The following MACROD2 variants were observed in gnomAD, a reference collection of about 807,000 sequenced individuals.
The protein encoded by MACROD2 is mono-ADP ribosylhydrolase 2.
Under a neutral mutation model 70.4 loss-of-function variants are expected in MACROD2, and 36 were observed. The ratio of observed to expected loss-of-function variants is 0.51; its 90% CI spans 0.39 to 0.68. The LOEUF (loss-of-function observed/expected upper bound fraction) is 0.68, where lower values mean the gene tolerates loss of function less well. Ranked by LOEUF, MACROD2 falls within the 30% of genes least tolerant of loss-of-function variation. The probability of loss-of-function intolerance (pLI) is 0.00; values close to 1 mark genes in which losing one functional copy is unlikely to be tolerated. For missense variants in MACROD2, 496 were observed against 538.4 expected (o/e 0.92, Z 0.78); for synonymous variants, 172 against 178.8 (o/e 0.96, Z 0.30).
At chr20:14,976,639 C>T (rs1301238079) in intron 5 of MACROD2, among the ~76,000 whole-genome samples, 2 of 152,104 alleles carry the variant, frequency 1.3e-5, no homozygotes, top group African/African-American at 2.4e-5. Context: ...TTTAGCCTAC[C>T]TCGGTTGGTT....
chr20:14,212,260 A>G (rs1164331703), intron 3 of MACROD2, among the ~76,000 whole-genome samples: 1 of 152,208 alleles, frequency 6.6e-6, no homozygotes, highest in Admixed American at 6.5e-5. Flanking sequence ...TCTCAGTTCT[A>G]AAAATATGAA....
Position 15,534,985 on chromosome 20 carries a change from TG to T in MACROD2, c.645+35139del, listed in dbSNP as rs544380011. Among the ~76,000 whole-genome samples, 11 of 152,264 alleles carry T rather than the reference TG, an allele frequency of 7.2e-5. No homozygotes were observed. In the East Asian group the frequency reaches 2.1e-3, roughly 29 times the overall value. On this transcript the variant is annotated intron_variant, in intron 8 of 17. Transcript: ENST00000684519. ...ATCAAATATAAAAAACATATATATA[TG>T]TTTTTTTGAGACGGGCTCTCACTCT...
intron 15 of MACROD2, among the ~76,000 whole-genome samples, chr20:16,040,269 A>G (rs1011034482): frequency 5.3e-5 from 8 of 151,944 alleles, no homozygotes; most frequent in Non-Finnish European, 8.8e-5. Context: ...CTTTGTAGAC[A>G]TTATAAACTG....
intron 7 of MACROD2, among the ~76,000 whole-genome samples, chr20:15,447,087 TC>T: frequency 1.4e-5 from 2 of 146,436 alleles, no homozygotes; most frequent in Non-Finnish European, 3.0e-5. Context: ...TGTGTGTGTG[TC>T]TGTGTGTTGT....
chr20:15,583,560 C>T (rs1292519242), intron 8 of MACROD2, among the ~76,000 whole-genome samples: 1 of 152,180 alleles, frequency 6.6e-6, no homozygotes, highest in Non-Finnish European at 1.5e-5. Context: ...TATGCTCTTC[C>T]CAGTGCCACA....
intron 4 of MACROD2, among the ~76,000 whole-genome samples, chr20:14,666,804 G>GT (rs2123549827): frequency 6.6e-6 from 1 of 151,964 alleles, no homozygotes; most frequent in South Asian, 2.1e-4. Context: ...AGCTGTGGAA[G>GT]CAGGATTGCT....
chr20:15,932,255 T>G (rs1003099210), intron 10 of MACROD2, among the ~76,000 whole-genome samples: 1 of 152,102 alleles, frequency 6.6e-6, no homozygotes, highest in Non-Finnish European at 1.5e-5. Context: ...AGCTTCAACT[T>G]CTTTACAGCA....
At chr20:15,494,132 G>A (rs1055616416) in intron 7 of MACROD2, among the ~76,000 whole-genome samples, 9 of 152,184 alleles carry the variant, frequency 5.9e-5, no homozygotes, top group Non-Finnish European at 1.3e-4. Context: ...AGCTTGAAAT[G>A]TGGTCAAGAG....
chr20:14,574,737 C>T (rs1330633446), intron 4 of MACROD2, among the ~76,000 whole-genome samples: 7 of 151,136 alleles, frequency 4.6e-5, no homozygotes, highest in Non-Finnish European at 5.9e-5. Context: ...CACGGCCGGG[C>T]GCGGTGGCTC....
At chr20:14,325,503 C>G in intron 3 of MACROD2, 1 of 1,538,544 alleles carries the variant, frequency 6.5e-7, no homozygotes, top group South Asian at 1.3e-5. Flanking sequence ...CCTACCATCA[C>G]CTCCCTTAGG....
At chr20:15,302,744 C>A (rs1023725497) in intron 6 of MACROD2, among the ~76,000 whole-genome samples, 1 of 152,198 alleles carries the variant, frequency 6.6e-6, no homozygotes, top group Non-Finnish European at 1.5e-5. Context: ...TCTAAAAAAA[C>A]TGTACCATTT....
At chr20:15,549,474 A>C (rs1227915506) in intron 8 of MACROD2, among the ~76,000 whole-genome samples, 1 of 152,188 alleles carries the variant, frequency 6.6e-6, no homozygotes, top group Non-Finnish European at 1.5e-5. Context: ...ATATACTCCT[A>C]GTTTAGGTTC....
chr20:14,504,849 A>G (rs1330412772), intron 4 of MACROD2, among the ~76,000 whole-genome samples: 1 of 152,186 alleles, frequency 6.6e-6, no homozygotes, highest in African/African-American at 2.4e-5. Flanking sequence ...ACTTTTCTCA[A>G]TTCCATTTTT....
chr20:14,070,678 T>C (rs1056244377), intron 2 of MACROD2, among the ~76,000 whole-genome samples: 1 of 152,136 alleles, frequency 6.6e-6, no homozygotes, highest in African/African-American at 2.4e-5. Context: ...TTTTCAGGCA[T>C]TCTCAAAAGG....
chr20:14,913,616 G>T (rs1213730707), intron 5 of MACROD2, among the ~76,000 whole-genome samples: 3 of 152,182 alleles, frequency 2.0e-5, no homozygotes, highest in Admixed American at 1.3e-4. Context: ...GACCCCAGGA[G>T]TTTGAGGCTG....
chr20:14,131,209 A>T (rs2054714737), intron 3 of MACROD2, among the ~76,000 whole-genome samples: 1 of 152,148 alleles, frequency 6.6e-6, no homozygotes, highest in African/African-American at 2.4e-5. Flanking sequence ...TATACTCTTC[A>T]CTTGAGCAGG....
chr20:15,547,694 A>T (rs1373277254), intron 8 of MACROD2, among the ~76,000 whole-genome samples: 1 of 152,102 alleles, frequency 6.6e-6, no homozygotes, highest in East Asian at 1.9e-4. Flanking sequence ...TCCTCTGCCA[A>T]ATTTTTTGAT....
intron 3 of MACROD2, among the ~76,000 whole-genome samples, chr20:14,136,674 G>A (rs1031328781): frequency 1.3e-5 from 2 of 152,162 alleles, no homozygotes; most frequent in African/African-American, 4.8e-5. Flanking sequence ...TGATGCTCAA[G>A]TTTTAGAACC....
chr20:16,005,084 A>G (rs1313323884), intron 15 of MACROD2, among the ~76,000 whole-genome samples: 2 of 152,150 alleles, frequency 1.3e-5, no homozygotes, highest in Admixed American at 1.3e-4. Context: ...ATTCCCCATC[A>G]TTTTCATAGT....
Sources: allele counts gnomAD v4.1 joint callset (sites outside exome capture counted in the v4.1 genomes callset), GRCh38; gene constraint gnomAD v4.1.1; transcripts MANE v1.5; gene names NCBI Gene and HGNC (gene_info 2026-07-23, HGNC 2026-07-21).